The following BSG variants were observed in gnomAD, a reference collection of about 807,000 sequenced individuals.
BSG encodes the protein basigin.
A neutral mutation model predicts 43.1 loss-of-function variants in BSG; 37 were observed. The observed-to-expected ratio is 0.86, with a 90% CI of 0.66 to 1.13. The LOEUF is 1.13. Among genes scored for constraint, BSG ranks in the 50% most tolerant of loss-of-function variants. The pLI is 0.00. For missense variants in BSG, 599 were observed against 554.2 expected (o/e 1.08, Z -0.81); for synonymous variants, 309 against 238.7 (o/e 1.29, Z -2.72).
Position 579,618 on chromosome 19 carries a change from G to A in BSG, c.534G>A (p.Leu178=). The A allele has an allele frequency of 6.2e-7, 1 of 1,612,322 alleles. No homozygotes were observed. The highest frequency in any genetic ancestry group is 1.1e-5 in the South Asian group (1 of 91,046). Residue 178 remains leucine, a synonymous_variant, in exon 3 of 9, where the codon CTG becomes CTA. Coordinates refer to ENST00000333511, the MANE Select transcript of BSG (RefSeq NM_001728.4). The stretch of plus-strand genomic sequence containing the variant: ...GCTGGCTGAAGGGGGGCGTGGTGCT[G>A]AAGGAGGACGCGCTGCCCGGCCAGA... ...GHRWLKGGVV[L]KEDALPGQKT...
Position 579,706 on chromosome 19 carries a change from CTT to C in BSG, c.572+51_572+52del, listed in dbSNP as rs759538134. 4 of 1,561,376 alleles carry C rather than the reference CTT, an allele frequency of 2.6e-6. No individual in the cohort carries two copies. In the East Asian group the frequency reaches 9.0e-5, roughly 35 times the overall value. On this transcript the variant is annotated intron_variant, in intron 3 of 8. Coordinates refer to ENST00000333511, the MANE Select transcript of BSG (RefSeq NM_001728.4). ...GCCACCTGCCCCTTCTCACGGCTCT[CTT>C]GCCGCCAGCGGCCTGTGGTCCGTGA...
rs199877893 is a variant in BSG, at chr19:579,480, C to T, written c.416-20C>T. ...CCGTGCTCCTCCACTCTGCTGACCG[C>T]GTCTCGCCGGGCCTTGCAGCCGGCA... On this transcript the variant is annotated intron_variant, in intron 2 of 8. Coordinates refer to ENST00000333511, the MANE Select transcript of BSG (RefSeq NM_001728.4). 1.4e-5 allele frequency: 23 copies of T among 1,611,920 alleles called. No individual in the cohort carries two copies. The highest frequency in any genetic ancestry group is 2.2e-5 in the East Asian group (1 of 44,870).
intron 1 of BSG, among the ~76,000 whole-genome samples, chr19:575,542 G>C (rs1004010339): frequency 6.7e-6 from 1 of 150,280 alleles, no homozygotes; most frequent in African/African-American, 2.5e-5. Context: ...GGGGGTGGGT[G>C]GGGGAGGTGC....
At position 580,044 on chromosome 19, in the gene BSG, CTG is replaced by C. The variant is rs1982146205; in HGVS notation, c.573-334_573-333del. 12 of 413,476 alleles carry C rather than the reference CTG, an allele frequency of 2.9e-5. No individual in the cohort carries two copies. The South Asian group carries it at 3.5e-4, about 12-fold the overall frequency. 25.6% of individuals were successfully genotyped at this position (413,476 alleles called of 1,614,324 possible). A position where few individuals can be genotyped will look rare whatever the true frequency, so the allele number is the denominator to read the frequency against. On this transcript the variant is annotated intron_variant, in intron 3 of 8. Transcript: ENST00000333511. ...TGTCATGGCCGGAGCTTTGTCATAACTGGGGCTGGGACGGCCCTGGGAGCACA... is the reference window on the plus strand; with the variant it reads ...TGTCATGGCCGGAGCTTTGTCATAACGGGCTGGGACGGCCCTGGGAGCACA...
intron 2 of BSG, chr19:579,174 GTC>G (rs1568351331): frequency 2.0e-6 from 1 of 498,572 alleles, no homozygotes; most frequent in Admixed American, 2.3e-5. Context: ...AGCCTCGTGT[GTC>G]TCTGGGCAGG....
At position 576,148 on chromosome 19, in the gene BSG, G is replaced by A. The variant is rs529166895; in HGVS notation, c.68-1626G>A. Among the ~76,000 whole-genome samples the A allele has an allele frequency of 7.2e-5, 11 of 152,372 alleles. No homozygotes were observed. The South Asian group carries it at 2.1e-3, about 29-fold the overall frequency. Reference sequence around the variant, plus strand: ...ACTCCTGGAAAGGTGGCTGGGGGCAGCTCGGCTGCGGGCCCCACCTGGTCC... The same window carrying A: ...ACTCCTGGAAAGGTGGCTGGGGGCAACTCGGCTGCGGGCCCCACCTGGTCC... On this transcript the variant is annotated intron_variant, in intron 1 of 8. Coordinates refer to ENST00000333511, the MANE Select transcript of BSG (RefSeq NM_001728.4).
rs1298674691 is a variant in BSG at position 578,111 on chromosome 19, A to G, written c.405A>G (p.Leu135=). 1.9e-6 allele frequency: 3 copies of G among 1,575,504 alleles called. No homozygotes were observed. Among genetic ancestry groups the G allele is most frequent in the South Asian group, 1.1e-5 (1 of 87,736 alleles). Residue 135 remains leucine (L), a synonymous_variant, in exon 2 of 9, where the codon CTA becomes CTG. Transcript: ENST00000333511. ...VKWVRAQAVV[L]VLEPGTVFTT... Reference sequence around the variant, plus strand: ...GGGTCCGCGCCCAGGCAGTCGTGCTAGTCCTGGAACGTGAGTGGCGGGCAC... The same window carrying G: ...GGGTCCGCGCCCAGGCAGTCGTGCTGGTCCTGGAACGTGAGTGGCGGGCAC...
At chr19:581,673 C>T (rs1982338232) in intron 6 of BSG, 82 bp downstream of exon 6, 1 of 1,453,092 alleles carries the variant, frequency 6.9e-7, no homozygotes, top group Non-Finnish European at 9.1e-7. Context: ...GCCAGCCCCA[C>T]CGCTGACCCA....
intron 2 of BSG, 40 bp from the exon 3 acceptor site, chr19:579,460 C>G (rs756617307): frequency 2.5e-6 from 4 of 1,609,874 alleles, no homozygotes; most frequent in South Asian, 2.2e-5. Flanking sequence ...GCGGGCCGTG[C>G]TCCTCCACTC....
intron 1 of BSG, 41 bp from the exon 2 acceptor site, chr19:577,733 C>T: frequency 3.0e-6 from 4 of 1,338,848 alleles, no homozygotes; most frequent in Non-Finnish European, 3.8e-6. Flanking sequence ...CTCCCAAGTG[C>T]CCCAGGCACT....
At chr19:572,457 C>CA (rs1327682311), upstream of BSG, 2 of 1,157,194 alleles carry the variant, frequency 1.7e-6, no homozygotes, top group Non-Finnish European at 2.1e-6. Context: ...CCGGCGCGTA[C>CA]ATGCGAGCGT....
chr19:572,589 C>T (rs746247696), upstream of BSG: 14 of 1,441,198 alleles, frequency 9.7e-6, no homozygotes, highest in Admixed American at 2.5e-5. Flanking sequence ...CCGCGGGCGG[C>T]GGCGGCAGCG....
chr19:582,645 G>T, intron 8 of BSG, 63 bp downstream of exon 8: 1 of 1,406,974 alleles, frequency 7.1e-7, no homozygotes. Context: ...GAACTCCTGA[G>T]CCAGGTGTGG....
upstream of BSG, chr19:571,649 G>A: frequency 2.6e-6 from 2 of 774,202 alleles, no homozygotes; most frequent in Non-Finnish European, 4.8e-6. Flanking sequence ...AGTCGGTCCC[G>A]CAAAGAGAAA....
chr19:573,976 C>T (rs1981525847), intron 1 of BSG, among the ~76,000 whole-genome samples: 1 of 152,176 alleles, frequency 6.6e-6, no homozygotes, highest in Admixed American at 6.5e-5. Context: ...ATAGTGAGGC[C>T]GGGCGTGGTG....
chr19:578,105 C>A lies in BSG; in HGVS notation c.399C>A (p.Val133=). 2 of 1,581,124 alleles carry A rather than the reference C, an allele frequency of 1.3e-6. No individual in the cohort carries two copies. Among genetic ancestry groups the A allele is most frequent in the South Asian group, 1.1e-5 (1 of 88,232 alleles). Residue 133 remains valine (V), a synonymous_variant, in exon 2 of 9, where the codon GTC becomes GTA. Coordinates refer to ENST00000333511, the MANE Select transcript of BSG (RefSeq NM_001728.4). ...PRVKWVRAQA[V]VLVLEPGTVF... ...TCAAGTGGGTCCGCGCCCAGGCAGT[C>A]GTGCTAGTCCTGGAACGTGAGTGGC...
intron 1 of BSG, among the ~76,000 whole-genome samples, chr19:576,497 C>G (rs543048889): frequency 6.6e-6 from 1 of 152,322 alleles, no homozygotes; most frequent in African/African-American, 2.4e-5. Flanking sequence ...CGCGGTGGCT[C>G]ACGCCTGTAA....
chr19:571,289 G>C, upstream of BSG: 4 of 567,382 alleles, frequency 7.0e-6, no homozygotes, highest in South Asian at 8.4e-5. Flanking sequence ...CGCCAGTGTA[G>C]CCACATTCCT....
intron 1 of BSG, among the ~76,000 whole-genome samples, chr19:574,876 G>T (rs981648759): frequency 2.0e-5 from 3 of 152,206 alleles, no homozygotes; most frequent in African/African-American, 7.2e-5. Flanking sequence ...TGGGTGAGGT[G>T]AGCGCGGAAG....
Sources: allele counts gnomAD v4.1 joint callset (sites outside exome capture counted in the v4.1 genomes callset), GRCh38; gene constraint gnomAD v4.1.1; transcripts MANE v1.5; gene names NCBI Gene and HGNC (gene_info 2026-07-23, HGNC 2026-07-21).